PARP4: variants seen among roughly 807,000 people sequenced by gnomAD.
The protein encoded by PARP4 is poly(ADP-ribose) polymerase family member 4, also known as protein mono-ADP-ribosyltransferase PARP4.
Under a neutral mutation model 187.7 loss-of-function variants are expected in PARP4, and 120 were observed. That is an observed-to-expected ratio of 0.64 (90% CI 0.55 to 0.74). The LOEUF (loss-of-function observed/expected upper bound fraction) is 0.74. Ranked by LOEUF, PARP4 falls within the 30% of genes least tolerant of loss-of-function variation. The probability of loss-of-function intolerance (pLI) is 0.00; values close to 1 mark genes in which losing one functional copy is unlikely to be tolerated. For synonymous variants in PARP4, 654 were observed against 740.9 expected, an observed-to-expected ratio of 0.88 and a Z score of 1.90; for missense variants, 1,836 against 2,070.5, an observed-to-expected ratio of 0.89 and a Z score of 2.20.
At position 24,434,735 on chromosome 13, in the gene PARP4, G is replaced by C. The variant is rs61741951; in HGVS notation, c.4406C>G (p.Ala1469Gly). Residue 1469 changes from alanine to glycine, a missense_variant, in exon 31 of 34, where the codon GCC becomes GGC. Around this residue, in one of 8 missense-constraint regions of PARP4, gnomAD observed 450 missense variants for 439.2 expected, o/e 1.02. Transcript: ENST00000381989. ...CAGCCTAAGGTTGGCAGTCAAAGAG[G>C]CTGCGGAAGGTTGAAAATGAAAAGG... ...SSPFHFQPSA[A>G]SLTANLRLPM... The C allele has an allele frequency of 5.4e-3, 8,726 of 1,613,896 alleles. 41 individuals carry two copies. Among genetic ancestry groups the C allele is most frequent in the Non-Finnish European group, 6.8e-3 (7,986 of 1,179,940 alleles).
At chr13:24,443,176 C>G (rs921887812) in intron 28 of PARP4, among the ~76,000 whole-genome samples, 22 of 125,062 alleles carry the variant, frequency 1.8e-4, no homozygotes, top group Non-Finnish European at 2.2e-4. Flanking sequence ...TCTCATCCCT[C>G]AGAGAACAGC....
At chr13:24,426,363 A>ACAAAG in intron 33 of PARP4, 103 bp downstream of exon 33, 1 of 875,382 alleles carries the variant, frequency 1.1e-6, no homozygotes, top group Non-Finnish European at 1.8e-6. Context: ...CTACATACTT[A>ACAAAG]TAGTGTACAC....
chr13:24,448,477 T>C (rs1466267996), intron 25 of PARP4, among the ~76,000 whole-genome samples: 1 of 146,390 alleles, frequency 6.8e-6, no homozygotes, highest in Admixed American at 6.8e-5. Context: ...GAATGATGAG[T>C]GTTGGTGAGG....
intron 17 of PARP4, among the ~76,000 whole-genome samples, chr13:24,467,551 C>A (rs1337607218): frequency 1.3e-4 from 20 of 152,152 alleles, no homozygotes. Context: ...ATCCTCCCGC[C>A]TTGGCCTCCA....
chr13:24,435,636 G>C (rs1870597415), intron 30 of PARP4, among the ~76,000 whole-genome samples, 162 bp from the exon 31 acceptor site: 1 of 152,234 alleles, frequency 6.6e-6, no homozygotes, highest in South Asian at 2.1e-4. Flanking sequence ...TAACACCAGT[G>C]CTGCGTGCAG....
rs1443995901 is a variant in PARP4, at chr13:24,457,788, A to G, written c.2424+1256T>C. 2.7e-5 allele frequency among the ~76,000 whole-genome samples: 4 copies of G among 149,194 alleles called. No homozygotes were observed. The East Asian group carries it at 5.8e-4, about 22-fold the overall frequency. ...TCTGTCTCAAAAAAAAAAAAAAAAA[A>G]AAAAAAAAGAAAAAAGAAAAAAAGA... On this transcript the variant is annotated intron_variant, in intron 20 of 33. Transcript: ENST00000381989.
At chr13:24,455,382 A>G (rs1871769021) in intron 21 of PARP4, among the ~76,000 whole-genome samples, 170 bp from the exon 22 acceptor site, 1 of 151,880 alleles carries the variant, frequency 6.6e-6, no homozygotes, top group Non-Finnish European at 1.5e-5. Context: ...AGTCAAAAGT[A>G]GAATGTTAGA....
chr13:24,507,857 T>C (rs953449764), intron 1 of PARP4, among the ~76,000 whole-genome samples: 1 of 152,224 alleles, frequency 6.6e-6, no homozygotes, highest in Non-Finnish European at 1.5e-5. Context: ...CATGCTGTTA[T>C]ATATTATAGT....
At chr13:24,497,610 C>T (rs1347264726) in intron 6 of PARP4, among the ~76,000 whole-genome samples, 1 of 152,168 alleles carries the variant, frequency 6.6e-6, no homozygotes, top group Non-Finnish European at 1.5e-5. Flanking sequence ...ACACATTTCC[C>T]CTTTGCAAAA....
chr13:24,480,798 T>C (rs1328451568), intron 12 of PARP4, among the ~76,000 whole-genome samples: 2 of 152,182 alleles, frequency 1.3e-5, no homozygotes. Context: ...AAAGAAGCCA[T>C]CTCTATAACG....
At chr13:24,510,864 G>A (rs1417000205) in intron 1 of PARP4, among the ~76,000 whole-genome samples, 1 of 152,164 alleles carries the variant, frequency 6.6e-6, no homozygotes, top group African/African-American at 2.4e-5. Flanking sequence ...TGTGGTCACT[G>A]TCACAGCTCA....
At chr13:24,467,539 T>C (rs1192995470) in intron 17 of PARP4, among the ~76,000 whole-genome samples, 16 of 152,148 alleles carry the variant, frequency 1.1e-4, no homozygotes, top group Admixed American at 1.0e-3. Flanking sequence ...TGGGCTCAAG[T>C]GATCCTCCCG....
intron 18 of PARP4, chr13:24,459,564 CACATTTTAT>C: frequency 2.4e-6 from 1 of 415,236 alleles, no homozygotes; most frequent in South Asian, 3.6e-5. Flanking sequence ...CACACACACA[CACATTTTAT>C]ACATGTGCTG....
At chr13:24,511,134 C>T (rs1869998679) in intron 1 of PARP4, among the ~76,000 whole-genome samples, 1 of 152,166 alleles carries the variant, frequency 6.6e-6, no homozygotes, top group Admixed American at 6.5e-5. Flanking sequence ...GTTCTTAGCA[C>T]CTGCGGCTGC....
At chr13:24,476,552 C>T (rs1208569975) in intron 14 of PARP4, among the ~76,000 whole-genome samples, 2 of 152,124 alleles carry the variant, frequency 1.3e-5, no homozygotes, top group Admixed American at 1.3e-4. Context: ...AAAATGTACA[C>T]ATCCTATTCT....
At chr13:24,497,067 T>C (rs2137537883) in intron 6 of PARP4, among the ~76,000 whole-genome samples, 1 of 151,456 alleles carries the variant, frequency 6.6e-6, no homozygotes, top group South Asian at 2.1e-4. Context: ...ACTCTGAATG[T>C]CTACTTGAGA....
intron 17 of PARP4, among the ~76,000 whole-genome samples, chr13:24,465,398 T>G (rs1435442057): frequency 1.3e-5 from 2 of 152,082 alleles, no homozygotes; most frequent in Non-Finnish European, 2.9e-5. Context: ...CAAATGCCCA[T>G]CAATGATAGA....
chr13:24,475,029 C>T (rs150618472), intron 15 of PARP4, among the ~76,000 whole-genome samples: 3,018 of 148,496 alleles, frequency 0.02, 33 homozygotes, highest in Non-Finnish European at 0.026. Context: ...CATCCCCTGA[C>T]GTCCACACAG....
chr13:24,504,289 A>G (rs527245588), intron 1 of PARP4, among the ~76,000 whole-genome samples: 1 of 145,044 alleles, frequency 6.9e-6, no homozygotes, highest in Non-Finnish European at 1.5e-5. Flanking sequence ...ATACACATAT[A>G]TATTCTGCAT....
Sources: allele counts gnomAD v4.1 joint callset (sites outside exome capture counted in the v4.1 genomes callset), GRCh38; gene constraint gnomAD v4.1.1; regional missense constraint gnomAD v4.1.1; transcripts MANE v1.5; gene names NCBI Gene and HGNC (gene_info 2026-07-23, HGNC 2026-07-21).